FAR1: variants seen among roughly 807,000 people sequenced by gnomAD.
FAR1 encodes male sterility domain-containing protein 2.
FAR1 carries 22 observed loss-of-function variants against 61.1 expected under a neutral mutation model. The ratio of observed to expected loss-of-function variants is 0.36; its 90% CI spans 0.26 to 0.51. The LOEUF is 0.51. FAR1 is among the 20% of genes least tolerant of loss of function. The pLI is 0.95. For synonymous variants in FAR1, 206 were observed against 209.7 expected (o/e 0.98, Z 0.15); for missense variants, 359 against 626.9 (o/e 0.57, Z 4.56).
intron 2 of FAR1, among the ~76,000 whole-genome samples, chr11:13,695,512 A>G (rs1375569251): frequency 1.3e-5 from 2 of 152,332 alleles, no homozygotes; most frequent in East Asian, 1.9e-4. Flanking sequence ...TTTCACGATC[A>G]TAAGTTTGTG....
rs1286020316 is a variant in FAR1 at position 13,721,802 on chromosome 11, T to C, written c.1200T>C (p.Val400=). ...AATATTTCACAAGTAATTCTTGGGT[T>C]TGGAATACTGAGAATGTCAATATGT... ...FLEYFTSNSW[V]WNTENVNMLM... is the part of the protein sequence containing the mutation. Residue 400 remains valine (V), a synonymous_variant, in exon 10 of 12, where the codon GTT becomes GTC. Transcript: ENST00000354817. The surrounding 1 kb of genome is among the most constrained non-coding windows in gnomAD (Gnocchi z 4.2). 1.2e-6 allele frequency: 2 copies of C among 1,611,214 alleles called. No homozygotes were observed. Among genetic ancestry groups the C allele is most frequent in the African/African-American group, 2.7e-5 (2 of 74,946 alleles).
intron 10 of FAR1, among the ~76,000 whole-genome samples, chr11:13,726,476 T>C (rs1353087937): frequency 6.6e-6 from 1 of 152,102 alleles, no homozygotes; most frequent in African/African-American, 2.4e-5. Flanking sequence ...TAGGACTTAT[T>C]TTCATTGCGT....
chr11:13,697,559 A>C (rs1299532708), intron 2 of FAR1, among the ~76,000 whole-genome samples: 3 of 152,204 alleles, frequency 2.0e-5, no homozygotes, highest in Non-Finnish European at 4.4e-5. Flanking sequence ...TAAAGTAGGA[A>C]CTAATTGGGT....
chr11:13,713,086 T>C (rs1270495399), intron 8 of FAR1, 53 bp downstream of exon 8: 4 of 1,500,998 alleles, frequency 2.7e-6, no homozygotes, highest in Non-Finnish European at 2.8e-6. Context: ...AAGAACCAAG[T>C]TCCCTGAAGT....
chr11:13,717,457 G>C (rs559109505), intron 9 of FAR1, among the ~76,000 whole-genome samples: 131 of 152,262 alleles, frequency 8.6e-4, no homozygotes, highest in African/African-American at 2.6e-3. Context: ...CTGAATTCCA[G>C]TCAGATATGT....
At position 13,712,949 on chromosome 11, in the gene FAR1, C is replaced by A. The variant is rs1227063864; in HGVS notation, c.888-17C>A. On this transcript the variant is annotated splice_polypyrimidine_tract_variant and intron_variant, in intron 7 of 11. Transcript: ENST00000354817. ...GCCTCTTATTATGATTAATTGGTTT[C>A]ATCTTTGTCTTTGCAGACCAAGAAA... 2.5e-6 allele frequency: 4 copies of A among 1,608,704 alleles called. No homozygotes were observed.
chr11:13,714,788 A>G, intron 9 of FAR1, 108 bp downstream of exon 9: 2 of 993,426 alleles, frequency 2.0e-6, no homozygotes, highest in Middle Eastern at 4.5e-4. Flanking sequence ...AAGGCTTAAT[A>G]GCCTTTTGTG....
chr11:13,709,096 A>AT (rs1458084723), intron 4 of FAR1, among the ~76,000 whole-genome samples: 3 of 151,992 alleles, frequency 2.0e-5, no homozygotes, highest in Non-Finnish European at 4.4e-5. Flanking sequence ...ATATCTTTGA[A>AT]TTTTTTCCTC....
intron 3 of FAR1, among the ~76,000 whole-genome samples, chr11:13,706,752 A>G (rs1480596395): frequency 6.6e-6 from 1 of 152,216 alleles, no homozygotes; most frequent in Non-Finnish European, 1.5e-5. Context: ...TTTAATAGAA[A>G]GCAAATCTAT....
At chr11:13,681,253 G>A (rs1255064472) in intron 1 of FAR1, among the ~76,000 whole-genome samples, 1 of 152,186 alleles carries the variant, frequency 6.6e-6, no homozygotes, top group Non-Finnish European at 1.5e-5. Flanking sequence ...AAAAAAAACA[G>A]TAAGAAACAA....
intron 1 of FAR1, among the ~76,000 whole-genome samples, chr11:13,671,225 C>G (rs917315237): frequency 6.6e-6 from 1 of 152,112 alleles, no homozygotes; most frequent in African/African-American, 2.4e-5. Flanking sequence ...ATCATGTGAA[C>G]TAGAAGTTGG....
chr11:13,723,682 C>G (rs570603894), intron 10 of FAR1, among the ~76,000 whole-genome samples: 18 of 152,094 alleles, frequency 1.2e-4, no homozygotes, highest in Non-Finnish European at 2.6e-4. Context: ...TCCAAAATTC[C>G]TAGTGTATGT....
At chr11:13,682,554 C>T (rs1848139802) in intron 1 of FAR1, among the ~76,000 whole-genome samples, 1 of 152,168 alleles carries the variant, frequency 6.6e-6, no homozygotes, top group Admixed American at 6.5e-5. Context: ...TTACAGAAAC[C>T]TTTGCCAGCT....
chr11:13,705,615 A>G (rs930743516), intron 3 of FAR1, among the ~76,000 whole-genome samples: 1 of 152,190 alleles, frequency 6.6e-6, no homozygotes, highest in South Asian at 2.1e-4. Context: ...AGTATCCTCT[A>G]TGTGAAATGT....
At chr11:13,708,337 A>C (rs1262281124) in intron 4 of FAR1, among the ~76,000 whole-genome samples, 2 of 151,716 alleles carry the variant, frequency 1.3e-5, no homozygotes, top group African/African-American at 4.8e-5. Context: ...CAACCTGGGC[A>C]ACACAGTGAA....
intron 9 of FAR1, among the ~76,000 whole-genome samples, chr11:13,717,256 G>A (rs1356715148): frequency 6.6e-6 from 1 of 151,960 alleles, no homozygotes; most frequent in Non-Finnish European, 1.5e-5. Flanking sequence ...ACGCTCTTTA[G>A]GAGTGATTTT....
At chr11:13,717,362 T>C (rs1048938751) in intron 9 of FAR1, among the ~76,000 whole-genome samples, 1 of 152,152 alleles carries the variant, frequency 6.6e-6, no homozygotes, top group African/African-American at 2.4e-5. Flanking sequence ...TAAATGATGG[T>C]AAGCATAGGA....
In FAR1 at chr11:13,678,296, G is replaced by A. The variant is rs991808628; in HGVS notation, c.-8+9490G>A. On this transcript the variant is annotated intron_variant, in intron 1 of 11. Coordinates refer to ENST00000354817, the MANE Select transcript of FAR1 (RefSeq NM_032228.6). Reference sequence around the variant, plus strand: ...TTCTTTTTTTTTGAGACTGAGTCTCGCTGTGTCGCCCAGGAGGGAGTGCAG... The same window carrying A: ...TTCTTTTTTTTTGAGACTGAGTCTCACTGTGTCGCCCAGGAGGGAGTGCAG... 2.8e-4 allele frequency among the ~76,000 whole-genome samples: 42 copies of A among 152,090 alleles called. 1 individual carries two copies. The highest frequency in any genetic ancestry group is 6.5e-5 in the Admixed American group (1 of 15,280).
intron 9 of FAR1, chr11:13,720,756 G>A (rs1848602101): frequency 6.6e-6 from 1 of 151,612 alleles, no homozygotes; most frequent in African/African-American, 2.4e-5. Context: ...AATCCTAATC[G>A]TTATTATAAT....
Sources: gnomAD v4.1 joint callset for allele counts (sites outside exome capture counted in the v4.1 genomes callset) on GRCh38, gnomAD v4.1.1 for gene constraint, Gnocchi (gnomAD v3.1) non-coding constraint, MANE v1.5 for transcripts, NCBI Gene and HGNC (gene_info 2026-07-23, HGNC 2026-07-21) for gene names.